The following MIPOL1 variants were observed in gnomAD, a reference collection of about 807,000 sequenced individuals.
MIPOL1 encodes the protein mirror-image polydactyly gene 1 protein.
Under a neutral mutation model 60.9 loss-of-function variants are expected in MIPOL1, and 57 were observed. The observed-to-expected ratio is 0.94, with a 90% CI of 0.76 to 1.17. The LOEUF is 1.17. Ranked by LOEUF, MIPOL1 falls within the 50% of genes most tolerant of loss-of-function variation. MIPOL1 has a pLI of 0.00. For missense variants in MIPOL1, 551 were observed against 511.6 expected (o/e 1.08, Z -0.74); for synonymous variants, 179 against 168.8 (o/e 1.06, Z -0.47).
At position 37,248,037 on chromosome 14, in the gene MIPOL1, A is replaced by G. The variant is rs528639534; in HGVS notation, c.19+130A>G. On this transcript the variant is annotated intron_variant, in intron 3 of 12. Transcript: ENST00000684589. ...AAGTGCGCACACACACACACAAAAC[A>G]TGCACACAGAGACCCAGGGATTATG... The G allele has an allele frequency of 6.9e-5, 52 of 753,168 alleles. No homozygotes were observed. In the Admixed American group the frequency reaches 9.4e-4, roughly 14 times the overall value. The allele number at this position is 753,168 out of a possible 1,614,324, so 46.7% of individuals were successfully genotyped here.
chr14:37,218,226 G>C (rs1053948803), intron 1 of MIPOL1, among the ~76,000 whole-genome samples: 3 of 151,914 alleles, frequency 2.0e-5, no homozygotes, highest in African/African-American at 7.3e-5. Flanking sequence ...TGTTGCCCAG[G>C]CTGGAGTGCA....
At chr14:37,482,297 C>T (rs996066887) in intron 11 of MIPOL1, among the ~76,000 whole-genome samples, 3 of 152,106 alleles carry the variant, frequency 2.0e-5, no homozygotes, top group Non-Finnish European at 4.4e-5. Flanking sequence ...AGAAGGCATA[C>T]AGATAGCCAG....
chr14:37,346,147 T>C (rs545870990), intron 9 of MIPOL1, among the ~76,000 whole-genome samples: 1 of 151,988 alleles, frequency 6.6e-6, no homozygotes, highest in Non-Finnish European at 1.5e-5. Context: ...CTGACCAACA[T>C]AGTGAAACCC....
intron 3 of MIPOL1, among the ~76,000 whole-genome samples, chr14:37,250,156 G>A (rs1412850957): frequency 6.6e-6 from 1 of 152,170 alleles, no homozygotes; most frequent in Non-Finnish European, 1.5e-5. Flanking sequence ...AGACATGACT[G>A]ATACAGCATT....
intron 10 of MIPOL1, among the ~76,000 whole-genome samples, chr14:37,388,089 A>T (rs2093125806): frequency 6.6e-6 from 1 of 151,912 alleles, no homozygotes; most frequent in Admixed American, 6.6e-5. Flanking sequence ...TAGGAAAAAC[A>T]TTATGTAACA....
At chr14:37,293,303 C>G (rs2153419597) in intron 7 of MIPOL1, among the ~76,000 whole-genome samples, 1 of 152,220 alleles carries the variant, frequency 6.6e-6, no homozygotes, top group South Asian at 2.1e-4. Context: ...CCTGCACCCC[C>G]TCCCTATTTT....
rs190974579 is a variant in MIPOL1, at chr14:37,462,336, G to A, written c.1032-37572G>A. Among the ~76,000 whole-genome samples the A allele has an allele frequency of 1.1e-4, 17 of 152,270 alleles. No individual in the cohort carries two copies. The South Asian group carries it at 1.2e-3, about 11-fold the overall frequency. On this transcript the variant is annotated intron_variant, in intron 11 of 12. Transcript: ENST00000684589. Reference sequence around the variant, plus strand: ...CAAGTCCCTAGGCTGCACACAGCACGGGGACCCTGGGGCTGGCCCACAAAA... The same window carrying A: ...CAAGTCCCTAGGCTGCACACAGCACAGGGACCCTGGGGCTGGCCCACAAAA...
intron 10 of MIPOL1, among the ~76,000 whole-genome samples, chr14:37,420,748 A>G (rs1027698900): frequency 2.0e-5 from 3 of 152,090 alleles, no homozygotes; most frequent in African/African-American, 7.2e-5. Flanking sequence ...TATCATCAGG[A>G]CTTGGTTTTC....
intron 11 of MIPOL1, among the ~76,000 whole-genome samples, chr14:37,442,671 T>A (rs983431198): frequency 3.3e-5 from 5 of 150,498 alleles, no homozygotes; most frequent in Non-Finnish European, 5.9e-5. Context: ...AATAAATAAA[T>A]AAAAAATTTA....
chr14:37,343,799 T>C (rs2090747373), intron 9 of MIPOL1, among the ~76,000 whole-genome samples: 1 of 152,338 alleles, frequency 6.6e-6, no homozygotes, highest in East Asian at 1.9e-4. Context: ...AAATATTGGC[T>C]AAATTTATTT....
At chr14:37,473,338 T>C (rs1174934186) in intron 11 of MIPOL1, among the ~76,000 whole-genome samples, 1 of 152,032 alleles carries the variant, frequency 6.6e-6, no homozygotes, top group East Asian at 1.9e-4. Context: ...TGTCCAGACA[T>C]AAGAACTGTG....
At position 37,288,526 on chromosome 14, in the gene MIPOL1, G is replaced by A. The variant is rs140638924; in HGVS notation, c.623+3079G>A. ...CAGTTTGAAGAGATGAATAGAGGCC[G>A]GACATGGTAGCTCACACCTGTAATC... On this transcript the variant is annotated intron_variant, in intron 7 of 12. Transcript: ENST00000684589. Among the ~76,000 whole-genome samples the A allele has an allele frequency of 9.9e-4, 150 of 152,100 alleles. 1 individual carries two copies. In the Middle Eastern group the frequency reaches 0.01, roughly 10 times the overall value.
chr14:37,511,382 A>G, intron 12 of MIPOL1, among the ~76,000 whole-genome samples: 1 of 152,170 alleles, frequency 6.6e-6, no homozygotes. Context: ...GCTGGTACTG[A>G]ATGTGCTTGG....
chr14:37,525,682 T>C (rs1257672402), intron 12 of MIPOL1, among the ~76,000 whole-genome samples: 1 of 152,198 alleles, frequency 6.6e-6, no homozygotes, highest in Non-Finnish European at 1.5e-5. Flanking sequence ...GTTTCTGCAA[T>C]GAGATATATG....
chr14:37,209,534 C>A (rs2139268024), intron 1 of MIPOL1, among the ~76,000 whole-genome samples: 1 of 152,230 alleles, frequency 6.6e-6, no homozygotes, highest in Non-Finnish European at 1.5e-5. Context: ...GTGGCGCTCG[C>A]CTGTAATCCC....
rs145786795 is a variant in MIPOL1, at chr14:37,416,624, C to T, written c.937-6231C>T. Among the ~76,000 whole-genome samples, 47 of 152,170 alleles carry T rather than the reference C, an allele frequency of 3.1e-4. 1 individual carries two copies. Among genetic ancestry groups the T allele is most frequent in the African/African-American group, 1.1e-3 (47 of 41,484 alleles). On this transcript the variant is annotated intron_variant, in intron 10 of 12. Coordinates refer to ENST00000684589, the MANE Select transcript of MIPOL1 (RefSeq NM_001388067.1). The stretch of plus-strand genomic sequence containing the variant: ...ATATGTGGTCCGTTGTTGACCAAAG[C>T]GTTGTTATTCTGTGTGTGACTGTAC...
At chr14:37,545,601 C>A in intron 12 of MIPOL1, 2 of 602,016 alleles carry the variant, frequency 3.3e-6, no homozygotes, top group South Asian at 2.0e-5. Context: ...TTACTGTGTT[C>A]TTAAAGCAAA....
chr14:37,240,084 T>A (rs1310369400), intron 1 of MIPOL1, among the ~76,000 whole-genome samples: 2 of 152,170 alleles, frequency 1.3e-5, no homozygotes, highest in African/African-American at 4.8e-5. Flanking sequence ...TAGTGTGCAA[T>A]TATGGCTCAA....
intron 9 of MIPOL1, among the ~76,000 whole-genome samples, chr14:37,332,848 G>A (rs906493255): frequency 8.5e-5 from 13 of 152,094 alleles, no homozygotes; most frequent in African/African-American, 3.1e-4. Context: ...TTACAGTATT[G>A]CAGTGGACGA....
Sources: gnomAD v4.1 joint callset for allele counts (sites outside exome capture counted in the v4.1 genomes callset) on GRCh38, gnomAD v4.1.1 for gene constraint, MANE v1.5 for transcripts, NCBI Gene and HGNC (gene_info 2026-07-23, HGNC 2026-07-21) for gene names.